The following CDH19 variants were observed in gnomAD, a reference collection of about 807,000 sequenced individuals.
CDH19 encodes the protein cadherin 19, also known as cadherin-19.
CDH19 carries 67 observed loss-of-function variants against 64.2 expected under a neutral mutation model. The observed-to-expected ratio is 1.04, with a 90% CI of 0.86 to 1.28. The LOEUF (loss-of-function observed/expected upper bound fraction) is 1.28, where lower values mean the gene tolerates loss of function less well. CDH19 is among the 50% of genes most tolerant of loss of function. The pLI, the probability that CDH19 is intolerant of heterozygous loss-of-function variation, is 0.00. For synonymous variants in CDH19, 346 were observed against 319.3 expected (o/e 1.08, Z -0.89); for missense variants, 1,030 against 929.0 (o/e 1.11, Z -1.41).
chr18:66,572,090 A>G lies in CDH19; in HGVS notation c.115T>C (p.Leu39=), dbSNP rs1277645211. 4.3e-6 allele frequency: 7 copies of G among 1,611,488 alleles called. No individual in the cohort carries two copies. The highest frequency in any genetic ancestry group is 5.9e-6 in the Non-Finnish European group (7 of 1,178,452). Reference sequence around the variant, plus strand: ...CACACCCAGCCACGCTTCACTCTCAAATGAGATCGCACTGGCTGCTTGACT... The same window carrying G: ...CACACCCAGCCACGCTTCACTCTCAGATGAGATCGCACTGGCTGCTTGACT... ...KKVKQPVRSH[L]RVKRGWVWNQ... Residue 39 remains leucine (L), a synonymous_variant, in exon 2 of 12, where the codon TTG becomes CTG. Coordinates refer to ENST00000262150, the MANE Select transcript of CDH19 (RefSeq NM_021153.4).
At position 66,501,619 on chromosome 18, in the gene CDH19, A is replaced by G. The variant is rs1984944883; in HGVS notation, c.*3193T>C. 1 of 152,128 alleles carries G rather than the reference A, an allele frequency of 6.6e-6. No homozygotes were observed. The highest frequency in any genetic ancestry group is 1.5e-5 in the Non-Finnish European group (1 of 68,032). The allele number at this position is 152,128 out of a possible 1,614,324, so 9.4% of individuals were successfully genotyped here. On this transcript the variant is annotated 3_prime_UTR_variant, in exon 12 of 12. Coordinates refer to ENST00000262150, the MANE Select transcript of CDH19 (RefSeq NM_021153.4). ...GAGATCACTCAGAATTGGAAAAGAA[A>G]CAGACCATGTGTTCCAATAGAATAC...
intron 10 of CDH19, among the ~76,000 whole-genome samples, chr18:66,509,520 CTTA>C (rs1277824547): frequency 6.6e-6 from 1 of 151,484 alleles, no homozygotes; most frequent in Non-Finnish European, 1.5e-5. Flanking sequence ...GTTGATACTA[CTTA>C]TTTAGTTAAA....
chr18:66,538,689 A>G (rs1184615445), intron 7 of CDH19, among the ~76,000 whole-genome samples: 5 of 152,156 alleles, frequency 3.3e-5, no homozygotes, highest in Admixed American at 2.0e-4. Context: ...AATTAACTCT[A>G]TTAGATTTAT....
At chr18:66,577,904 A>C (rs908841132) in intron 1 of CDH19, among the ~76,000 whole-genome samples, 2 of 151,928 alleles carry the variant, frequency 1.3e-5, no homozygotes, top group South Asian at 4.1e-4. Context: ...TATTCCTTGC[A>C]TGCCTTGGTT....
Position 66,501,690 on chromosome 18 carries a change from A to G in CDH19, c.*3122T>C, listed in dbSNP as rs1488923922. The G allele has an allele frequency of 6.6e-6, 1 of 152,116 alleles. No individual in the cohort carries two copies. Among genetic ancestry groups the G allele is most frequent in the East Asian group, 1.9e-4 (1 of 5,180 alleles). The allele number at this position is 152,116 out of a possible 1,614,324, so 9.4% of individuals were successfully genotyped here. ...ATTCACTGTTATTTATTGAGCAGTT[A>G]TATTTTGTCAGGCACTATTGGTGCT... On this transcript the variant is annotated 3_prime_UTR_variant, in exon 12 of 12. Transcript: ENST00000262150.
At chr18:66,571,928 A>G in intron 2 of CDH19, 82 bp downstream of exon 2, 1 of 984,740 alleles carries the variant, frequency 1.0e-6, no homozygotes, top group Non-Finnish European at 1.5e-6. Context: ...AAAATGTGGA[A>G]CTCATCAAAT....
intron 1 of CDH19, among the ~76,000 whole-genome samples, chr18:66,601,283 T>C (rs532937099): frequency 6.6e-6 from 1 of 152,002 alleles, no homozygotes; most frequent in East Asian, 1.9e-4. Context: ...GCGACTTCTT[T>C]TCTGTGATGT....
chr18:66,594,636 A>G (rs1003171579), intron 1 of CDH19, among the ~76,000 whole-genome samples: 5 of 152,060 alleles, frequency 3.3e-5, no homozygotes, highest in African/African-American at 1.2e-4. Flanking sequence ...CTGGATTAAG[A>G]AAATGTGGCA....
At chr18:66,597,940 T>A (rs537244384) in intron 1 of CDH19, among the ~76,000 whole-genome samples, 1 of 152,086 alleles carries the variant, frequency 6.6e-6, no homozygotes, top group Non-Finnish European at 1.5e-5. Flanking sequence ...ATACCTAATG[T>A]AAATGACGAG....
chr18:66,511,167 AAATATTTTTG>A lies in CDH19; in HGVS notation c.1576+391_1576+400del, dbSNP rs1177671600. Among the ~76,000 whole-genome samples the A allele has an allele frequency of 1.5e-4, 21 of 143,794 alleles. No homozygotes were observed. The East Asian group carries it at 4.4e-3, about 30-fold the overall frequency. The allele number at this position is 143,794 out of a possible 152,430, so 94.3% of individuals were successfully genotyped here. On this transcript the variant is annotated intron_variant, in intron 10 of 11. Transcript: ENST00000262150. ...TTCTAAGCTCCTAATTGATGACCCTAAATATTTTTGAATCAATCAAGCTAATATGACTAAC... is the reference window on the plus strand; with the variant it reads ...TTCTAAGCTCCTAATTGATGACCCTAAATCAATCAAGCTAATATGACTAAC...
Position 66,505,034 on chromosome 18 carries a change from A to G in CDH19, c.2097T>C (p.Ile699=). ...TATTAGCTTCTTCGAGCTTTTCCAG[A>G]ATGAATTTCCTGAATATGGCACTGT... is the stretch of plus-strand genomic sequence containing the variant. ...GPDSAIFRKF[I]LEKLEEANTD... Residue 699 remains isoleucine, a synonymous_variant, in exon 12 of 12, where the codon ATT becomes ATC. Transcript: ENST00000262150. 6.2e-7 allele frequency: 1 copy of G among 1,613,660 alleles called. No individual in the cohort carries two copies. The highest frequency in any genetic ancestry group is 8.5e-7 in the Non-Finnish European group (1 of 1,179,768).
At chr18:66,522,750 T>C (rs2144389511) in intron 9 of CDH19, among the ~76,000 whole-genome samples, 1 of 151,792 alleles carries the variant, frequency 6.6e-6, no homozygotes, top group South Asian at 2.1e-4. Context: ...GTGCTATTCC[T>C]AGGATTTATG....
chr18:66,578,137 G>T (rs1350757545), intron 1 of CDH19, among the ~76,000 whole-genome samples: 2 of 151,864 alleles, frequency 1.3e-5, no homozygotes, highest in Admixed American at 6.6e-5. Flanking sequence ...TTTGGTTTTA[G>T]GTGTGAAGAC....
chr18:66,589,263 T>C (rs9965435), intron 1 of CDH19, among the ~76,000 whole-genome samples: 22,333 of 148,968 alleles, frequency 0.15, 1,821 homozygotes, highest in East Asian at 0.26. Flanking sequence ...TATATATATA[T>C]ACACACATAT....
intron 1 of CDH19, among the ~76,000 whole-genome samples, chr18:66,588,286 T>C (rs1001962374): frequency 2.0e-5 from 3 of 152,116 alleles, no homozygotes; most frequent in Non-Finnish European, 4.4e-5. Flanking sequence ...TGGGATAGGC[T>C]CCTGTCACCC....
intron 9 of CDH19, among the ~76,000 whole-genome samples, chr18:66,529,565 T>C (rs1455245737): frequency 2.3e-5 from 3 of 128,116 alleles, no homozygotes; most frequent in Non-Finnish European, 5.4e-5. Flanking sequence ...CATAAAAGCA[T>C]GTAATTAATA....
At chr18:66,524,000 A>C (rs2144394187) in intron 9 of CDH19, among the ~76,000 whole-genome samples, 1 of 152,206 alleles carries the variant, frequency 6.6e-6, no homozygotes, top group African/African-American at 2.4e-5. Flanking sequence ...ACGAAGCATT[A>C]AATTGATCAG....
At chr18:66,540,824 G>A (rs1598995550) in intron 7 of CDH19, among the ~76,000 whole-genome samples, 1 of 152,150 alleles carries the variant, frequency 6.6e-6, no homozygotes, top group African/African-American at 2.4e-5. Context: ...TTTGAGGGAC[G>A]TAAACATTTA....
intron 1 of CDH19, among the ~76,000 whole-genome samples, chr18:66,581,897 T>C (rs1988432228): frequency 6.6e-6 from 1 of 152,098 alleles, no homozygotes; most frequent in African/African-American, 2.4e-5. Context: ...AGAACCCTAA[T>C]ACAATATTTT....
Sources: gnomAD v4.1 joint callset for allele counts (sites outside exome capture counted in the v4.1 genomes callset) on GRCh38, gnomAD v4.1.1 for gene constraint, MANE v1.5 for transcripts, NCBI Gene and HGNC (gene_info 2026-07-23, HGNC 2026-07-21) for gene names.